The following CNNM2 variants were observed in gnomAD, a reference collection of about 807,000 sequenced individuals.
The protein encoded by CNNM2 is metal transporter CNNM2.
CNNM2 carries 12 observed loss-of-function variants against 66.9 expected under a neutral mutation model. That is an observed-to-expected ratio of 0.18 (90% CI 0.11 to 0.29). The LOEUF (loss-of-function observed/expected upper bound fraction) is 0.29, where lower values mean the gene tolerates loss of function less well. CNNM2 is among the 10% of genes least tolerant of loss of function. The probability of loss-of-function intolerance (pLI) is 1.00; values close to 1 mark genes in which losing one functional copy is unlikely to be tolerated. For missense variants in CNNM2, 705 were observed against 1,167.7 expected, an observed-to-expected ratio of 0.60 and a Z score of 5.77; for synonymous variants, 557 against 501.8, an observed-to-expected ratio of 1.11 and a Z score of -1.47.
At chr10:102,951,735 C>G (rs1303241204) in intron 1 of CNNM2, among the ~76,000 whole-genome samples, 1 of 149,808 alleles carries the variant, frequency 6.7e-6, no homozygotes, top group East Asian at 2.0e-4. Context: ...ACCTTCTGGG[C>G]TCTAGCAGTC....
At chr10:102,954,891 A>G (rs771422201) in intron 1 of CNNM2, among the ~76,000 whole-genome samples, 49 of 152,328 alleles carry the variant, frequency 3.2e-4, no homozygotes, top group Admixed American at 9.8e-4. Context: ...GAGGACACAA[A>G]TAGAAGAACA....
At chr10:103,016,547 A>G (rs2077617181) in intron 1 of CNNM2, among the ~76,000 whole-genome samples, 1 of 152,162 alleles carries the variant, frequency 6.6e-6, no homozygotes, top group South Asian at 2.1e-4. Context: ...TCAAGCCACA[A>G]GCTTGTTTCC....
intron 3 of CNNM2, among the ~76,000 whole-genome samples, chr10:103,056,529 A>T (rs1050604487): frequency 6.6e-6 from 1 of 152,224 alleles, no homozygotes; most frequent in Non-Finnish European, 1.5e-5. Flanking sequence ...CGTTTCTGTC[A>T]GTGAAATTAG....
chr10:103,032,697 C>T lies in CNNM2; in HGVS notation c.1622-17010C>T, dbSNP rs563993742. 2.6e-3 allele frequency among the ~76,000 whole-genome samples: 348 copies of T among 132,460 alleles called. 2 individuals carry two copies. Among genetic ancestry groups the T allele is most frequent in the African/African-American group, 9.5e-3 (326 of 34,376 alleles). The allele number at this position is 132,460 out of a possible 152,430, so 86.9% of individuals were successfully genotyped here. A position where few individuals can be genotyped will look rare whatever the true frequency, so the allele number is the denominator to read the frequency against. ...TTTTTTTTTTTAAATAGCTGCATAGCATTCTATTGCTGATAGAATCCTACT... is the reference window on the plus strand; with the variant it reads ...TTTTTTTTTTTAAATAGCTGCATAGTATTCTATTGCTGATAGAATCCTACT... On this transcript the variant is annotated intron_variant, in intron 1 of 7. Coordinates refer to ENST00000369878, the MANE Select transcript of CNNM2 (RefSeq NM_017649.5).
rs557554900 is a variant in CNNM2, at chr10:103,025,153, G to A, written c.1622-24554G>A. ...GTCACCCAGGCTGGAGTGCAGTGGCGTGATCTCCGCTCGCGGCAACCTCCA... is the reference window on the plus strand; with the variant it reads ...GTCACCCAGGCTGGAGTGCAGTGGCATGATCTCCGCTCGCGGCAACCTCCA... On this transcript the variant is annotated intron_variant, in intron 1 of 7. Coordinates refer to ENST00000369878, the MANE Select transcript of CNNM2 (RefSeq NM_017649.5). 2.6e-4 allele frequency among the ~76,000 whole-genome samples: 40 copies of A among 152,220 alleles called. No homozygotes were observed. The South Asian group carries it at 2.9e-3, about 11-fold the overall frequency.
At chr10:102,985,167 A>G (rs1326375439) in intron 1 of CNNM2, among the ~76,000 whole-genome samples, 1 of 152,116 alleles carries the variant, frequency 6.6e-6, no homozygotes, top group Non-Finnish European at 1.5e-5. Context: ...ACCCTGGCAG[A>G]CCTTGAGAAT....
intron 1 of CNNM2, among the ~76,000 whole-genome samples, chr10:102,997,256 G>A (rs979459634): frequency 6.6e-6 from 1 of 152,170 alleles, no homozygotes; most frequent in Non-Finnish European, 1.5e-5. Context: ...TAATAATGAG[G>A]AGGCCAGTTT....
At chr10:103,057,701 C>T (rs951002658) in intron 4 of CNNM2, among the ~76,000 whole-genome samples, 3 of 152,182 alleles carry the variant, frequency 2.0e-5, no homozygotes, top group Non-Finnish European at 2.9e-5. Flanking sequence ...CTTAGCATCT[C>T]TTCCATTAAC....
rs146582379 is a variant in CNNM2 at position 102,994,133 on chromosome 10, C to T, written c.1622-55574C>T. Among the ~76,000 whole-genome samples, 195 of 152,250 alleles carry T rather than the reference C, an allele frequency of 1.3e-3. 1 individual carries two copies. The highest frequency in any genetic ancestry group is 4.5e-3 in the African/African-American group (188 of 41,548). On this transcript the variant is annotated intron_variant, in intron 1 of 7. Transcript: ENST00000369878. ...TGTATTTTTAGTAGAGACGGGGTTT[C>T]ACCATGTTGGCCAGGCTGGTCTTGA...
intron 1 of CNNM2, among the ~76,000 whole-genome samples, chr10:103,034,368 T>A (rs1457657844): frequency 4.6e-5 from 7 of 151,962 alleles, no homozygotes; most frequent in African/African-American, 1.7e-4. Flanking sequence ...ACCATTACTT[T>A]CCCCTTCAAG....
intron 6 of CNNM2, among the ~76,000 whole-genome samples, chr10:103,072,528 C>A (rs888876310): frequency 2.0e-5 from 3 of 151,452 alleles, no homozygotes; most frequent in Non-Finnish European, 4.4e-5. Context: ...ACCAGGCAGG[C>A]GACCCCGCTT....
rs946949528 is a variant in CNNM2, at chr10:102,919,941, G to A, written c.1461G>A (p.Glu487=). Residue 487 remains glutamate, a synonymous_variant, in exon 1 of 8, where the codon GAG becomes GAA. Transcript: ENST00000369878. ...GYTRIPVFEG[E]RSNIVDLLFV... ...CCCGCATTCCAGTGTTTGAAGGGGA[G>A]CGCTCCAATATCGTGGACCTGCTGT... The A allele has an allele frequency of 6.2e-6, 10 of 1,614,124 alleles. No individual in the cohort carries two copies. The African/African-American group carries it at 1.2e-4, about 19-fold the overall frequency.
At chr10:102,973,518 GTTT>G (rs34757632) in intron 1 of CNNM2, among the ~76,000 whole-genome samples, 1 of 140,158 alleles carries the variant, frequency 7.1e-6, no homozygotes, top group African/African-American at 2.6e-5. Flanking sequence ...GTGTGTGTGT[GTTT>G]TTTTTTTTTT....
Position 103,084,606 on chromosome 10 carries a change from A to AT in CNNM2, c.*7426_*7427insT, listed in dbSNP as rs1315991005. 6.6e-6 allele frequency: 1 copy of AT among 152,190 alleles called. No homozygotes were observed. The highest frequency in any genetic ancestry group is 1.5e-5 in the Non-Finnish European group (1 of 68,034). The allele number at this position is 152,190 out of a possible 1,614,324, so 9.4% of individuals were successfully genotyped here. On this transcript the variant is annotated 3_prime_UTR_variant, in exon 8 of 8. Transcript: ENST00000369878. ...GCTCAAATCAGGAAATGCTCCAAGG[A>AT]AAATGGAGGCAATTTTTCCTGCTGT... is the stretch of plus-strand genomic sequence containing the variant.
At chr10:102,943,742 G>A (rs1162904652) in intron 1 of CNNM2, among the ~76,000 whole-genome samples, 5 of 152,092 alleles carry the variant, frequency 3.3e-5, no homozygotes, top group Non-Finnish European at 7.3e-5. Flanking sequence ...TGTCATATAT[G>A]TGTATAATAT....
At chr10:102,981,275 G>A (rs1007716476) in intron 1 of CNNM2, among the ~76,000 whole-genome samples, 34 of 151,960 alleles carry the variant, frequency 2.2e-4, no homozygotes, top group African/African-American at 6.3e-4. Context: ...ACCTGAGTCC[G>A]GGAGGTTGAG....
intron 1 of CNNM2, among the ~76,000 whole-genome samples, chr10:103,035,971 T>G (rs1022145636): frequency 3.3e-5 from 5 of 152,228 alleles, no homozygotes; most frequent in Admixed American, 6.5e-5. Context: ...TTAGTTTGTC[T>G]TCTTATACGC....
chr10:102,990,990 A>G lies in CNNM2; in HGVS notation c.1622-58717A>G, dbSNP rs530435447. 5.9e-5 allele frequency among the ~76,000 whole-genome samples: 9 copies of G among 152,168 alleles called. No homozygotes were observed. The East Asian group carries it at 1.4e-3, about 23-fold the overall frequency. On this transcript the variant is annotated intron_variant, in intron 1 of 7. Coordinates refer to ENST00000369878, the MANE Select transcript of CNNM2 (RefSeq NM_017649.5). ...TTACATTTTCCATTGTGGCTGTAGG[A>G]AATTTTATTTTATTTTGAGACATTC...
chr10:103,017,166 G>A (rs111683478), intron 1 of CNNM2, among the ~76,000 whole-genome samples: 5 of 152,206 alleles, frequency 3.3e-5, no homozygotes, highest in East Asian at 3.9e-4. Flanking sequence ...TACGCTGTTC[G>A]TCGTGTCTGA....
Sources: gnomAD v4.1 joint callset for allele counts (sites outside exome capture counted in the v4.1 genomes callset) on GRCh38, gnomAD v4.1.1 for gene constraint, MANE v1.5 for transcripts, NCBI Gene and HGNC (gene_info 2026-07-23, HGNC 2026-07-21) for gene names.